POC1B: variants seen among roughly 807,000 people sequenced by gnomAD.
POC1B encodes POC1 centriolar protein B.
Under a neutral mutation model 60.6 loss-of-function variants are expected in POC1B, and 44 were observed. That is an observed-to-expected ratio of 0.73 (90% CI 0.57 to 0.93). The LOEUF is 0.93. Ranked by LOEUF, POC1B falls within the 40% of genes least tolerant of loss-of-function variation. The pLI is 0.00. For missense variants in POC1B, 555 were observed against 572.3 expected, an observed-to-expected ratio of 0.97 and a Z score of 0.31; for synonymous variants, 180 against 198.9, an observed-to-expected ratio of 0.90 and a Z score of 0.80.
chr12:89,483,348 C>A (rs1011104051), intron 4 of POC1B, among the ~76,000 whole-genome samples: 1 of 152,170 alleles, frequency 6.6e-6, no homozygotes, highest in Non-Finnish European at 1.5e-5. Flanking sequence ...TGAGGCCTCC[C>A]AGCTCTGCGG....
intron 10 of POC1B, among the ~76,000 whole-genome samples, chr12:89,452,788 T>C (rs1592596833): frequency 6.6e-6 from 1 of 152,120 alleles, no homozygotes; most frequent in South Asian, 2.1e-4. Flanking sequence ...ATTATCTATC[T>C]TGAAAAAAAA....
rs1290366767 is a variant in POC1B, at chr12:89,525,949, G to A, written c.-54C>T. The A allele has an allele frequency of 7.8e-6, 12 of 1,541,136 alleles. No homozygotes were observed. The highest frequency in any genetic ancestry group is 2.5e-5 in the East Asian group (1 of 40,528). On this transcript the variant is annotated 5_prime_UTR_variant, in exon 1 of 12. Transcript: ENST00000313546. ...TGGGTGGGGGAACCCGGAGAGGGGA[G>A]GGGAGAGGATGGGGAAGGAGAGGGG...
chr12:89,506,328 C>T (rs1869894403), intron 2 of POC1B, among the ~76,000 whole-genome samples: 1 of 152,216 alleles, frequency 6.6e-6, no homozygotes, highest in Non-Finnish European at 1.5e-5. Context: ...GGAAATAGTA[C>T]TTGCAATTTA....
chr12:89,517,507 C>G (rs888562566), intron 2 of POC1B, among the ~76,000 whole-genome samples: 5 of 152,064 alleles, frequency 3.3e-5, no homozygotes, highest in African/African-American at 1.2e-4. Context: ...ATGGCATGCA[C>G]CTATAGTCCC....
intron 7 of POC1B, among the ~76,000 whole-genome samples, chr12:89,470,060 TG>T (rs1882829546): frequency 6.6e-6 from 1 of 151,878 alleles, no homozygotes; most frequent in Non-Finnish European, 1.5e-5. Context: ...TTAGTAGAAA[TG>T]GGGTTTCATC....
At chr12:89,523,151 G>C (rs1382047010) in intron 2 of POC1B, 1 of 1,613,548 alleles carries the variant, frequency 6.2e-7, no homozygotes, top group East Asian at 2.2e-5. Context: ...GCACCTGTGG[G>C]GTTGTTGTCA....
intron 9 of POC1B, among the ~76,000 whole-genome samples, chr12:89,463,158 T>C (rs1337437399): frequency 6.6e-6 from 1 of 152,208 alleles, no homozygotes; most frequent in Non-Finnish European, 1.5e-5. Context: ...TCCTTCCTGC[T>C]AAATATCATA....
Position 89,425,337 on chromosome 12 carries a change from C to T in POC1B, c.1156G>A (p.Glu386Lys), listed in dbSNP as rs753389405. 9.9e-6 allele frequency: 16 copies of T among 1,613,982 alleles called. No homozygotes were observed. The highest frequency in any genetic ancestry group is 1.4e-5 in the Non-Finnish European group (16 of 1,180,018). ...GGGTTCAAGAAATATCCACAGGCCT[C>T]TTCACCCTTGTCTGGCAGAGTCCTA... ...SGRTLPDKGE[E>K]ACGYFLNPSL... Residue 386 changes from glutamate to lysine, a missense_variant, in exon 11 of 12, where the codon GAG (glutamate) becomes AAG (lysine). Transcript: ENST00000313546.
chr12:89,501,875 T>G, intron 2 of POC1B: 1 of 1,204,512 alleles, frequency 8.3e-7, no homozygotes. Context: ...AGCCAAAGAG[T>G]ACAGAAGTTT....
intron 10 of POC1B, among the ~76,000 whole-genome samples, chr12:89,433,983 CTGT>C (rs1881147803): frequency 1.3e-5 from 2 of 152,174 alleles, no homozygotes; most frequent in Admixed American, 1.3e-4. Context: ...AAAACATAGG[CTGT>C]TGATCCTGAA....
chr12:89,493,799 G>A (rs186454005), intron 3 of POC1B, among the ~76,000 whole-genome samples: 1 of 152,320 alleles, frequency 6.6e-6, no homozygotes, highest in Admixed American at 6.5e-5. Flanking sequence ...TGTCCTCTCA[G>A]CCGTAGGCTA....
At chr12:89,474,199 C>T (rs890865596) in intron 4 of POC1B, among the ~76,000 whole-genome samples, 15 of 151,114 alleles carry the variant, frequency 9.9e-5, no homozygotes, top group Non-Finnish European at 2.1e-4. Context: ...GAGTAAGACT[C>T]TGTCTCAAAA....
At chr12:89,421,315 T>C (rs1240256688) in intron 11 of POC1B, 58 bp from the exon 12 acceptor site, 4 of 1,366,212 alleles carry the variant, frequency 2.9e-6, no homozygotes, top group Admixed American at 1.9e-5. Context: ...AGGATGACAA[T>C]GACAATCTCT....
At chr12:89,523,627 G>A (rs756796961) in intron 2 of POC1B, 2 of 1,546,220 alleles carry the variant, frequency 1.3e-6, no homozygotes, top group Non-Finnish European at 1.7e-6. Context: ...TCCAGCCATG[G>A]TAGGTGATCT....
chr12:89,460,034 A>C lies in POC1B; in HGVS notation c.1033-316T>G, dbSNP rs944117499. ...GACCCACCTCAAAAGATGAAGAAAA[A>C]AATCCTAGCCAGTTCAGTAAGAAAA... On this transcript the variant is annotated intron_variant, in intron 9 of 11. Coordinates refer to ENST00000313546, the MANE Select transcript of POC1B (RefSeq NM_172240.3). 57 of 411,824 alleles carry C rather than the reference A, an allele frequency of 1.4e-4. No individual in the cohort carries two copies. In the Middle Eastern group the frequency reaches 6.7e-3, roughly 49 times the overall value. The allele number at this position is 411,824 out of a possible 1,614,324, so 25.5% of individuals were successfully genotyped here.
chr12:89,461,057 T>C (rs1882464877), intron 9 of POC1B: 1 of 152,172 alleles, frequency 6.6e-6, no homozygotes, highest in Non-Finnish European at 1.5e-5. Context: ...AATCTTTGGC[T>C]TTCCCTGGGC....
At chr12:89,461,387 A>G (rs138893278) in intron 9 of POC1B, 1 of 152,222 alleles carries the variant, frequency 6.6e-6, no homozygotes, top group African/African-American at 2.4e-5. Context: ...ATACTTTCAC[A>G]CAGGGTTAGA....
intron 2 of POC1B, chr12:89,501,366 G>C (rs1869558453): frequency 1.9e-6 from 2 of 1,030,918 alleles, no homozygotes; most frequent in Non-Finnish European, 3.0e-6. Flanking sequence ...AACAAAAACA[G>C]AGAAGAAAAT....
intron 6 of POC1B, among the ~76,000 whole-genome samples, chr12:89,470,924 C>A (rs1441935197): frequency 6.6e-6 from 1 of 152,198 alleles, no homozygotes; most frequent in African/African-American, 2.4e-5. Flanking sequence ...TGTCTCCAGA[C>A]AGTATCCTTC....
Sources: allele counts gnomAD v4.1 joint callset (sites outside exome capture counted in the v4.1 genomes callset), GRCh38; gene constraint gnomAD v4.1.1; transcripts MANE v1.5; gene names NCBI Gene and HGNC (gene_info 2026-07-23, HGNC 2026-07-21).